The following CACHD1 variants were observed in gnomAD, a reference collection of about 807,000 sequenced individuals.
CACHD1 encodes cache domain containing 1, also known as VWFA and cache domain-containing protein 1.
A neutral mutation model predicts 138.7 loss-of-function variants in CACHD1; 71 were observed. The observed-to-expected ratio is 0.51, with a 90% CI of 0.42 to 0.62. The LOEUF is 0.62. Ranked by LOEUF, CACHD1 falls within the 20% of genes least tolerant of loss-of-function variation. CACHD1 has a pLI of 0.00. For synonymous variants in CACHD1, 578 were observed against 591.5 expected (o/e 0.98, Z 0.33); for missense variants, 1,389 against 1,625.3 (o/e 0.85, Z 2.50).
chr1:64,542,823 T>G (rs1646687374), intron 1 of CACHD1, among the ~76,000 whole-genome samples: 1 of 152,126 alleles, frequency 6.6e-6, no homozygotes, highest in South Asian at 2.1e-4. Flanking sequence ...CTTTATCAAA[T>G]TAATCTCTCA....
chr1:64,681,092 C>T (rs1650157659), intron 24 of CACHD1, among the ~76,000 whole-genome samples, 166 bp from the exon 25 acceptor site: 1 of 152,122 alleles, frequency 6.6e-6, no homozygotes, highest in South Asian at 2.1e-4. Flanking sequence ...CCTGCTCCCT[C>T]CTCCTTTAAA....
intron 1 of CACHD1, among the ~76,000 whole-genome samples, chr1:64,526,800 C>T (rs1292698348): frequency 6.6e-6 from 1 of 152,214 alleles, no homozygotes; most frequent in Non-Finnish European, 1.5e-5. Flanking sequence ...TCTTCCTTTC[C>T]TTCTTTCCTC....
intron 3 of CACHD1, among the ~76,000 whole-genome samples, chr1:64,599,244 G>C (rs1647190845): frequency 6.6e-6 from 1 of 152,016 alleles, no homozygotes; most frequent in Non-Finnish European, 1.5e-5. Flanking sequence ...GTGTTTTGTT[G>C]GTATAAGCAG....
At chr1:64,501,304 CACTG>C (rs1570309125) in intron 1 of CACHD1, among the ~76,000 whole-genome samples, 1 of 152,136 alleles carries the variant, frequency 6.6e-6, no homozygotes, top group Non-Finnish European at 1.5e-5. Context: ...GGTTTTGATA[CACTG>C]ACTATTTCTT....
chr1:64,644,607 A>G lies in CACHD1; in HGVS notation c.1156+2638A>G, dbSNP rs74562714. Among the ~76,000 whole-genome samples the G allele has an allele frequency of 1.0e-3, 152 of 152,236 alleles. 1 individual carries two copies. The East Asian group carries it at 0.022, about 22-fold the overall frequency. On this transcript the variant is annotated intron_variant, in intron 8 of 26. Coordinates refer to ENST00000651257, the MANE Select transcript of CACHD1 (RefSeq NM_020925.4). The stretch of plus-strand genomic sequence containing the variant: ...TACTTTAGAGTCTCTAGTTACTTCC[A>G]TCTCAGCATCTTTTTCTCTTCTCTT...
intron 13 of CACHD1, 120 bp from the exon 14 acceptor site, chr1:64,663,575 G>GAAAAAAA: frequency 1.7e-6 from 2 of 1,194,098 alleles, no homozygotes; most frequent in Non-Finnish European, 2.3e-6. Context: ...AGAAAAAAAG[G>GAAAAAAA]AAAAAAAAAG....
intron 1 of CACHD1, among the ~76,000 whole-genome samples, chr1:64,482,805 A>G (rs1319474827): frequency 6.6e-6 from 1 of 152,188 alleles, no homozygotes; most frequent in African/African-American, 2.4e-5. Context: ...ACATATTCAG[A>G]TAACAAATGT....
chr1:64,691,658 C>A lies in CACHD1; in HGVS notation c.*97C>A. The A allele has an allele frequency of 9.2e-7, 1 of 1,089,836 alleles. No homozygotes were observed. Among genetic ancestry groups the A allele is most frequent in the East Asian group, 2.5e-5 (1 of 39,914 alleles). The allele number at this position is 1,089,836 out of a possible 1,614,324, so 67.5% of individuals were successfully genotyped here. ...TTAAAACCCACAGCAAGAGACCTCCCTTGTGTTTGTGCTTTGTGCAGAGTT... is the reference window on the plus strand; with the variant it reads ...TTAAAACCCACAGCAAGAGACCTCCATTGTGTTTGTGCTTTGTGCAGAGTT... On this transcript the variant is annotated 3_prime_UTR_variant, in exon 27 of 27. Coordinates refer to ENST00000651257, the MANE Select transcript of CACHD1 (RefSeq NM_020925.4).
At chr1:64,600,887 G>A (rs996564862) in intron 3 of CACHD1, among the ~76,000 whole-genome samples, 13 of 152,118 alleles carry the variant, frequency 8.5e-5, no homozygotes, top group Non-Finnish European at 1.5e-5. Flanking sequence ...TTCCAATATG[G>A]TAGCCACTCT....
intron 1 of CACHD1, among the ~76,000 whole-genome samples, chr1:64,522,252 A>G (rs1342648878): frequency 2.0e-5 from 3 of 152,014 alleles, no homozygotes; most frequent in Admixed American, 6.6e-5. Flanking sequence ...AAGACCATAG[A>G]TGGCCATAGA....
intron 26 of CACHD1, among the ~76,000 whole-genome samples, chr1:64,687,710 G>C (rs1420816593): frequency 1.3e-5 from 2 of 152,070 alleles, no homozygotes; most frequent in African/African-American, 4.8e-5. Flanking sequence ...TGAGACTAGT[G>C]AATGTTGTAC....
At position 64,663,772 on chromosome 1, in the gene CACHD1, A is replaced by G; in HGVS notation, c.2029A>G (p.Met677Val). 4 of 1,614,124 alleles carry G rather than the reference A, an allele frequency of 2.5e-6. No homozygotes were observed. The highest frequency in any genetic ancestry group is 3.4e-6 in the Non-Finnish European group (4 of 1,180,006). Residue 677 changes from methionine to valine, a missense_variant, in exon 14 of 27, where the codon ATG becomes GTG. Met to Val is a conservative substitution (Grantham distance 21, BLOSUM62 1). Transcript: ENST00000651257. ...CCTCAGCCAGCCAGAGACAAAGCGC[A>G]TGGTAGAGCACTACACCGCCTATCT... ...EHLSQPETKR[M>V]VEHYTAYLSD...
intron 3 of CACHD1, among the ~76,000 whole-genome samples, chr1:64,600,594 C>T (rs1252747497): frequency 3.3e-5 from 5 of 152,126 alleles, no homozygotes; most frequent in Admixed American, 1.3e-4. Context: ...CTACTTATGA[C>T]CAGAACAATG....
At chr1:64,678,781 A>G (rs1008647254) in intron 23 of CACHD1, among the ~76,000 whole-genome samples, 38 of 152,302 alleles carry the variant, frequency 2.5e-4, no homozygotes, top group African/African-American at 8.7e-4. Context: ...CATCTGGGAC[A>G]GCTTAGGATG....
At chr1:64,580,546 T>C (rs1647003891) in intron 2 of CACHD1, among the ~76,000 whole-genome samples, 1 of 152,206 alleles carries the variant, frequency 6.6e-6, no homozygotes, top group Non-Finnish European at 1.5e-5. Context: ...AATCAGAGGA[T>C]ACTGCTAAAG....
chr1:64,657,317 A>G (rs573263055), intron 12 of CACHD1, among the ~76,000 whole-genome samples: 2 of 152,308 alleles, frequency 1.3e-5, no homozygotes, highest in Admixed American at 1.3e-4. Context: ...AAAGACCTAT[A>G]TTGAAATCTG....
At position 64,632,256 on chromosome 1, in the gene CACHD1, G is replaced by GAAAA. The variant is rs55924104; in HGVS notation, c.645-324_645-321dup. ...GAACACTAACATCCTGCTTTTTTCT[G>GAAAA]AAAAAAAAAAAAAAAAAAAAAAGAG... is the stretch of plus-strand genomic sequence containing the variant. On this transcript the variant is annotated intron_variant, in intron 5 of 26. Coordinates refer to ENST00000651257, the MANE Select transcript of CACHD1 (RefSeq NM_020925.4). 1.2e-3 allele frequency among the ~76,000 whole-genome samples: 154 copies of GAAAA among 129,762 alleles called. 1 individual carries two copies. Among genetic ancestry groups the GAAAA allele is most frequent in the African/African-American group, 3.4e-3 (110 of 32,580 alleles). The allele number at this position is 129,762 out of a possible 152,430, so 85.1% of individuals were successfully genotyped here.
intron 26 of CACHD1, among the ~76,000 whole-genome samples, chr1:64,686,879 T>G (rs1292350899): frequency 6.6e-6 from 1 of 152,216 alleles, no homozygotes; most frequent in African/African-American, 2.4e-5. Flanking sequence ...TAAGACCATT[T>G]TCTAGAGGTG....
chr1:64,543,310 CTT>C (rs1646691438), intron 1 of CACHD1, among the ~76,000 whole-genome samples: 1 of 150,504 alleles, frequency 6.6e-6, no homozygotes, highest in African/African-American at 2.4e-5. Context: ...TATCCCAGCA[CTT>C]TGGGAGGCCA....
Sources: gnomAD v4.1 joint callset for allele counts (sites outside exome capture counted in the v4.1 genomes callset) on GRCh38, gnomAD v4.1.1 for gene constraint, MANE v1.5 for transcripts, NCBI Gene and HGNC (gene_info 2026-07-23, HGNC 2026-07-21) for gene names.